The following C16orf46 variants were observed in gnomAD, a reference collection of about 807,000 sequenced individuals.
The protein encoded by C16orf46 is uncharacterized protein C16orf46.
C16orf46 carries 7 observed loss-of-function variants against 5.5 expected under a neutral mutation model. That is an observed-to-expected ratio of 1.28 (90% CI 0.73 to 2.40). C16orf46 has a LOEUF of 2.40. Among genes scored for constraint, C16orf46 ranks in the 30% most tolerant of loss-of-function variants. The probability of loss-of-function intolerance (pLI) is 0.00; values close to 1 mark genes in which losing one functional copy is unlikely to be tolerated. For synonymous variants in C16orf46, 200 were observed against 184.1 expected (o/e 1.09, Z -0.70); for missense variants, 614 against 476.0 (o/e 1.29, Z -2.70).
At chr16:81,071,060 T>G (rs868301403) in intron 1 of C16orf46, among the ~76,000 whole-genome samples, 1 of 152,136 alleles carries the variant, frequency 6.6e-6, no homozygotes, top group Non-Finnish European at 1.5e-5. Context: ...CTATATGGTG[T>G]GGACATACTT....
At chr16:81,070,890 G>A (rs530136309) in intron 1 of C16orf46, among the ~76,000 whole-genome samples, 1 of 152,196 alleles carries the variant, frequency 6.6e-6, no homozygotes, top group African/African-American at 2.4e-5. Flanking sequence ...TAGTTTCACT[G>A]CTGGACTCAA....
chr16:81,059,702 G>C (rs542124107), downstream of C16orf46, among the ~76,000 whole-genome samples: 2 of 152,142 alleles, frequency 1.3e-5, no homozygotes, highest in Non-Finnish European at 2.9e-5. Flanking sequence ...GTCTGGGGTT[G>C]AGGGTTTCCA....
intron 3 of C16orf46, among the ~76,000 whole-genome samples, chr16:81,062,344 A>G (rs1971512438): frequency 6.6e-6 from 1 of 152,226 alleles, no homozygotes; most frequent in South Asian, 2.1e-4. Context: ...AAAGCATGAA[A>G]AAGTGTAATA....
rs536482267 is a variant in C16orf46, at chr16:81,064,107, C to T, written c.-38-114G>A. 2.2e-5 allele frequency: 13 copies of T among 593,948 alleles called. No homozygotes were observed. The Admixed American group carries it at 2.3e-4, about 10-fold the overall frequency. 36.8% of individuals were successfully genotyped at this position (593,948 alleles called of 1,614,324 possible). A position where few individuals can be genotyped will look rare whatever the true frequency, so the allele number is the denominator to read the frequency against. ...ACACATTCAGGAATATGGCCGGCCG[C>T]GGTGGCTCATGCCTGTAATTCCAGG... On this transcript the variant is annotated intron_variant, in intron 2 of 3. Coordinates refer to ENST00000299578, the MANE Select transcript of C16orf46 (RefSeq NM_152337.3).
chr16:81,070,448 C>T (rs1262185946), intron 1 of C16orf46, among the ~76,000 whole-genome samples: 3 of 152,126 alleles, frequency 2.0e-5, no homozygotes, highest in Non-Finnish European at 4.4e-5. Flanking sequence ...TGAAGAGACA[C>T]ATAGGTCAAT....
chr16:81,072,640 T>TC (rs1358191777), intron 1 of C16orf46, among the ~76,000 whole-genome samples: 3 of 152,206 alleles, frequency 2.0e-5, no homozygotes, highest in African/African-American at 7.2e-5. Context: ...AGTCTCAGCC[T>TC]CCCAAAGTGC....
intron 1 of C16orf46, among the ~76,000 whole-genome samples, chr16:81,070,824 T>G (rs574979457): frequency 6.6e-6 from 1 of 152,160 alleles, no homozygotes; most frequent in Non-Finnish European, 1.5e-5. Context: ...AGTAGCTTTA[T>G]GATCTTATAA....
chr16:81,058,654 G>C (rs991131776), downstream of C16orf46, among the ~76,000 whole-genome samples: 15 of 152,222 alleles, frequency 9.9e-5, no homozygotes, highest in African/African-American at 3.6e-4. Flanking sequence ...TAAACAGTCA[G>C]TTATTCATTA....
downstream of C16orf46, among the ~76,000 whole-genome samples, chr16:81,059,792 A>ATT (rs113907225): frequency 0.079 from 11,310 of 143,974 alleles, 473 homozygotes; most frequent in East Asian, 0.2. Context: ...TCCCAAAAAG[A>ATT]TTTTTTTTTT....
At chr16:81,065,948 T>C (rs1317403717) in intron 2 of C16orf46, among the ~76,000 whole-genome samples, 1 of 151,862 alleles carries the variant, frequency 6.6e-6, no homozygotes, top group Non-Finnish European at 1.5e-5. Context: ...TTTTGTAAAA[T>C]TTTAAGTTGG....
chr16:81,077,004 C>G (rs555734605), intron 1 of C16orf46, 132 bp downstream of exon 1: 1 of 152,642 alleles, frequency 6.6e-6, no homozygotes, highest in African/African-American at 2.4e-5. Context: ...CTGGGGAAGC[C>G]CCGGCACATA....
chr16:81,064,764 G>T (rs905323808), intron 2 of C16orf46, among the ~76,000 whole-genome samples: 1 of 132,118 alleles, frequency 7.6e-6, no homozygotes, highest in Non-Finnish European at 1.6e-5. Context: ...AAAAAAAAAA[G>T]AAGATATGAA....
At position 81,061,208 on chromosome 16, in the gene C16orf46, TGA is replaced by T. The variant is rs1237487278; in HGVS notation, c.1139_1140del (p.Leu380HisfsTer?). On this transcript the variant is annotated frameshift_variant, in exon 4 of 4. Transcript: ENST00000299578. LOFTEE classifies it high-confidence loss of function. ...ACAGGAATGATAACTCTGCTCACTG[TGA>T]GAGACGGCAAGACAGGTCTTGGGAA... ...KVFPRPVLPSLTVSRVIIPVS... is the reference protein window; with the variant it reads ...KVFPRPVLPSXTVSRVIIPVS... 6.2e-7 allele frequency: 1 copy of T among 1,613,972 alleles called. No homozygotes were observed. The highest frequency in any genetic ancestry group is 1.7e-5 in the Admixed American group (1 of 60,004).
intron 1 of C16orf46, among the ~76,000 whole-genome samples, chr16:81,068,335 A>T (rs1317925827): frequency 6.6e-6 from 1 of 152,212 alleles, no homozygotes; most frequent in Non-Finnish European, 1.5e-5. Flanking sequence ...TGTTGTATAA[A>T]AGTTAAAATT....
intron 2 of C16orf46, among the ~76,000 whole-genome samples, chr16:81,064,949 A>G (rs1473251732): frequency 6.6e-6 from 1 of 152,140 alleles, no homozygotes; most frequent in African/African-American, 2.4e-5. Flanking sequence ...TCTGTCGTAC[A>G]TTGTCATGAC....
chr16:81,069,822 T>C (rs1971782973), intron 1 of C16orf46: 1 of 152,196 alleles, frequency 6.6e-6, no homozygotes, highest in South Asian at 2.1e-4. Context: ...AACATTATAA[T>C]GCTGTTCTTA....
intron 1 of C16orf46, chr16:81,072,307 G>A (rs1405471071): frequency 7.1e-6 from 1 of 140,040 alleles, no homozygotes; most frequent in Non-Finnish European, 1.5e-5. Flanking sequence ...GGGGTTGTTC[G>A]TGTAATGATT....
chr16:81,074,648 G>A (rs1597155066), intron 1 of C16orf46, among the ~76,000 whole-genome samples: 1 of 151,998 alleles, frequency 6.6e-6, no homozygotes, highest in South Asian at 2.1e-4. Context: ...CTCCCAAAGT[G>A]TTGGGATTAC....
chr16:81,069,340 T>C (rs999913267), intron 1 of C16orf46, among the ~76,000 whole-genome samples: 1 of 152,218 alleles, frequency 6.6e-6, no homozygotes, highest in Non-Finnish European at 1.5e-5. Flanking sequence ...TGCAGGTTCA[T>C]TGTATGATGT....
Sources: allele counts gnomAD v4.1 joint callset (sites outside exome capture counted in the v4.1 genomes callset), GRCh38; gene constraint gnomAD v4.1.1; transcripts MANE v1.5; gene names NCBI Gene and HGNC (gene_info 2026-07-23, HGNC 2026-07-21).